CCM2: variants seen among roughly 807,000 people sequenced by gnomAD.
CCM2 encodes the protein CCM2 scaffold protein.
CCM2 carries 25 observed loss-of-function variants against 44.9 expected under a neutral mutation model. That is an observed-to-expected ratio of 0.56 (90% confidence interval 0.41 to 0.78). CCM2 has a LOEUF of 0.78. Among genes scored for constraint, CCM2 ranks in the 30% least tolerant of loss-of-function variants. The pLI, the probability that CCM2 is intolerant of heterozygous loss-of-function variation, is 0.00. For synonymous variants in CCM2, 219 were observed against 241.1 expected (o/e 0.91, Z 0.85); for missense variants, 481 against 580.6 (o/e 0.83, Z 1.76).
intron 2 of CCM2, among the ~76,000 whole-genome samples, chr7:45,053,502 G>A (rs1417963365): frequency 1.3e-5 from 2 of 152,174 alleles, no homozygotes; most frequent in African/African-American, 4.8e-5. Context: ...CCAGCATTCT[G>A]TGAGCCGTCT....
At chr7:45,001,237 C>T (rs534233368) in intron 1 of CCM2, among the ~76,000 whole-genome samples, 14 of 152,166 alleles carry the variant, frequency 9.2e-5, no homozygotes, top group Non-Finnish European at 1.6e-4. Flanking sequence ...ATTTAAAAGT[C>T]CTGTTTGAAA....
chr7:45,021,542 C>A (rs542055906), intron 1 of CCM2, among the ~76,000 whole-genome samples: 1 of 150,202 alleles, frequency 6.7e-6, no homozygotes, highest in African/African-American at 2.5e-5. Context: ...CCAATCTGGG[C>A]GACAGAGCGA....
chr7:45,047,455 T>C (rs1471674856), intron 2 of CCM2, among the ~76,000 whole-genome samples: 8 of 152,166 alleles, frequency 5.3e-5, no homozygotes, highest in Non-Finnish European at 1.2e-4. Flanking sequence ...GAGGATTGCT[T>C]GAGCCCAGGA....
chr7:45,072,320 G>A, intron 6 of CCM2: 1 of 351,208 alleles, frequency 2.8e-6, no homozygotes, highest in Non-Finnish European at 5.6e-6. Context: ...GGGCCAAGTT[G>A]TGTAACTCTC....
chr7:45,051,061 C>G (rs961046737), intron 2 of CCM2, among the ~76,000 whole-genome samples: 6 of 152,104 alleles, frequency 3.9e-5, no homozygotes, highest in African/African-American at 1.4e-4. Flanking sequence ...GTGGGGGGAT[C>G]CTGGGTGAGA....
In CCM2 at chr7:45,009,427, C is replaced by T. The variant is rs554849715; in HGVS notation, c.30+9064C>T. Among the ~76,000 whole-genome samples the T allele has an allele frequency of 5.3e-5, 5 of 95,232 alleles. No individual in the cohort carries two copies. The East Asian group carries it at 1.5e-3, about 29-fold the overall frequency. The allele number at this position is 95,232 out of a possible 152,430, so 62.5% of individuals were successfully genotyped here. On this transcript the variant is annotated intron_variant, in intron 1 of 9. Coordinates refer to ENST00000258781, the MANE Select transcript of CCM2 (RefSeq NM_031443.4). ...GTTTTTTTTTTTTTTTTTTTTGAGACGGAGTCTCACTCTGTCACCTAGGAT... is the reference window on the plus strand; with the variant it reads ...GTTTTTTTTTTTTTTTTTTTTGAGATGGAGTCTCACTCTGTCACCTAGGAT...
Position 45,037,741 on chromosome 7 carries a change from A to G in CCM2, c.31-512A>G, listed in dbSNP as rs1320779926. Among the ~76,000 whole-genome samples, 4 of 151,902 alleles carry G rather than the reference A, an allele frequency of 2.6e-5. No homozygotes were observed. In the East Asian group the frequency reaches 7.8e-4, roughly 29 times the overall value. On this transcript the variant is annotated intron_variant, in intron 1 of 9. Coordinates refer to ENST00000258781, the MANE Select transcript of CCM2 (RefSeq NM_031443.4). ...CCTGGTTTCTCCCTTGTTGATCTGCATTGGAGCTCAACACACTCAGTGTCC... is the reference window on the plus strand; with the variant it reads ...CCTGGTTTCTCCCTTGTTGATCTGCGTTGGAGCTCAACACACTCAGTGTCC...
At chr7:45,071,164 A>G (rs1799052083) in intron 6 of CCM2, 1 of 152,318 alleles carries the variant, frequency 6.6e-6, no homozygotes, top group Non-Finnish European at 1.5e-5. Context: ...CTTAGAAGTC[A>G]ACAGCTTATC....
intron 1 of CCM2, among the ~76,000 whole-genome samples, chr7:45,000,826 A>G (rs766544928): frequency 3.3e-5 from 5 of 152,180 alleles, no homozygotes; most frequent in Admixed American, 1.3e-4. Context: ...ACCTAAAACC[A>G]TTGATTGATT....
intron 2 of CCM2, among the ~76,000 whole-genome samples, chr7:45,043,082 C>G: frequency 6.6e-6 from 1 of 151,804 alleles, no homozygotes; most frequent in Non-Finnish European, 1.5e-5. Context: ...AAGCAGCCCT[C>G]CCACCTTAGC....
At chr7:45,034,474 A>C (rs996347667) in intron 1 of CCM2, among the ~76,000 whole-genome samples, 27 of 146,748 alleles carry the variant, frequency 1.8e-4, no homozygotes, top group Non-Finnish European at 3.9e-4. Flanking sequence ...TGGCCTCCCA[A>C]AGTGCTGGGA....
chr7:45,036,529 C>G (rs1377921443), intron 1 of CCM2, among the ~76,000 whole-genome samples: 1 of 152,166 alleles, frequency 6.6e-6, no homozygotes, highest in South Asian at 2.1e-4. Context: ...GGGGCTCATA[C>G]AGGGCAGGGT....
chr7:45,073,429 C>G (rs775639343), intron 7 of CCM2, 31 bp from the exon 8 acceptor site: 17 of 1,544,088 alleles, frequency 1.1e-5, no homozygotes, highest in Non-Finnish European at 1.5e-5. Flanking sequence ...GTCGGGGAAG[C>G]CACCCGCTCA....
intron 1 of CCM2, among the ~76,000 whole-genome samples, chr7:45,021,576 T>A (rs547659305): frequency 0.012 from 1,845 of 148,248 alleles, 9 homozygotes; most frequent in Non-Finnish European, 0.014. Flanking sequence ...AAAAAAAAAA[T>A]AAAATAAAAT....
intron 6 of CCM2, chr7:45,071,667 AGAG>A (rs1307555847): frequency 2.4e-6 from 1 of 423,774 alleles, no homozygotes; most frequent in African/African-American, 2.0e-5. Flanking sequence ...TGGAGGCTCC[AGAG>A]AAGAAGCCAT....
At chr7:45,072,178 C>T (rs1799111486) in intron 6 of CCM2, 3 of 332,954 alleles carry the variant, frequency 9.0e-6, no homozygotes, top group South Asian at 4.7e-5. Context: ...GACCTAATGT[C>T]ATTTGTTGAA....
chr7:45,033,343 G>A (rs992747654), intron 1 of CCM2, among the ~76,000 whole-genome samples: 1 of 152,154 alleles, frequency 6.6e-6, no homozygotes, highest in Non-Finnish European at 1.5e-5. Context: ...TAACAGTGTA[G>A]GTTGCATGTG....
intron 2 of CCM2, among the ~76,000 whole-genome samples, chr7:45,040,493 T>A (rs576184165): frequency 6.6e-6 from 1 of 152,104 alleles, no homozygotes. Context: ...AAGTTCAACA[T>A]CTGACTCCCA....
rs1799226071 is a variant in CCM2 at position 45,074,153 on chromosome 7, G to A, written c.916-117G>A. The A allele has an allele frequency of 9.6e-6, 15 of 1,568,780 alleles. No homozygotes were observed. The Admixed American group carries it at 2.3e-4, about 24-fold the overall frequency. ...ATTCTGATGCCCCAGCCTGTGCAGA[G>A]GTGAAGCCAGAGACAGCTGGTGCTC... On this transcript the variant is annotated intron_variant, in intron 8 of 9. Transcript: ENST00000258781.
Sources: allele counts gnomAD v4.1 joint callset (sites outside exome capture counted in the v4.1 genomes callset), GRCh38; gene constraint gnomAD v4.1.1; transcripts MANE v1.5; gene names NCBI Gene and HGNC (gene_info 2026-07-23, HGNC 2026-07-21).